The following MGAT5B variants were observed in gnomAD, a reference collection of about 807,000 sequenced individuals.
MGAT5B encodes N-acetylglucosaminyl-transferase Vb.
A neutral mutation model predicts 95.1 loss-of-function variants in MGAT5B; 54 were observed. The observed-to-expected ratio is 0.57, with a 90% confidence interval of 0.46 to 0.71. MGAT5B has a LOEUF of 0.71. MGAT5B is among the 30% of genes least tolerant of loss of function. MGAT5B has a pLI of 0.00. For missense variants in MGAT5B, 935 were observed against 1,088.6 expected (o/e 0.86, Z 1.99); for synonymous variants, 464 against 451.0 (o/e 1.03, Z -0.36).
chr17:76,923,481 G>A (rs991583785), intron 8 of MGAT5B, among the ~76,000 whole-genome samples: 1 of 152,172 alleles, frequency 6.6e-6, no homozygotes, highest in Non-Finnish European at 1.5e-5. Flanking sequence ...GGGAGCAAAG[G>A]ATGGTCACAT....
intron 3 of MGAT5B, among the ~76,000 whole-genome samples, chr17:76,891,029 A>T (rs1305184544): frequency 6.8e-6 from 1 of 146,424 alleles, no homozygotes; most frequent in Non-Finnish European, 1.5e-5. Context: ...CAGTGGCACA[A>T]TCTCGGCTCA....
chr17:76,879,425 C>T lies in MGAT5B; in HGVS notation c.182-2726C>T, dbSNP rs759563560. Among the ~76,000 whole-genome samples, 6 of 152,326 alleles carry T rather than the reference C, an allele frequency of 3.9e-5. No individual in the cohort carries two copies. In the East Asian group the frequency reaches 7.7e-4, roughly 20 times the overall value. ...CTGGCCACGGCACCGCTATGGTGTC[C>T]CAGCTGTGAGACACCTTATGGGATG... On this transcript the variant is annotated intron_variant, in intron 2 of 17. Coordinates refer to ENST00000569840, the MANE Select transcript of MGAT5B (RefSeq NM_001199172.2).
intron 15 of MGAT5B, among the ~76,000 whole-genome samples, chr17:76,943,627 G>GGGT (rs56115697): frequency 0.33 from 47,674 of 144,992 alleles, 8,035 homozygotes; most frequent in East Asian, 0.41. Flanking sequence ...GTGGGGTGGG[G>GGGT]GGGGGGTCTC....
chr17:76,909,965 A>G (rs1377029146), intron 8 of MGAT5B, among the ~76,000 whole-genome samples: 1 of 152,174 alleles, frequency 6.6e-6, no homozygotes, highest in East Asian at 1.9e-4. Flanking sequence ...GAGACTAAAG[A>G]GGCAGCTACA....
intron 15 of MGAT5B, among the ~76,000 whole-genome samples, chr17:76,945,015 A>G (rs1479308077): frequency 2.6e-5 from 4 of 152,166 alleles, no homozygotes; most frequent in Non-Finnish European, 4.4e-5. Context: ...TTGAAGCCTA[A>G]AACAGACCTT....
In MGAT5B at chr17:76,868,976, C is replaced by G; in HGVS notation, c.-54C>G. Reference sequence around the variant, plus strand: ...GCCCGGACGCGGCGAGAGCTGGGCCCAGGACGGTGCGTCCGGCCTCGCCCG... The same window carrying G: ...GCCCGGACGCGGCGAGAGCTGGGCCGAGGACGGTGCGTCCGGCCTCGCCCG... On this transcript the variant is annotated 5_prime_UTR_variant, in exon 1 of 18. Coordinates refer to ENST00000569840, the MANE Select transcript of MGAT5B (RefSeq NM_001199172.2). This position sits in a 1 kb window ranked among gnomAD's most constrained non-coding sequence, Gnocchi z 6.3. The G allele has an allele frequency of 6.4e-7, 1 of 1,565,086 alleles. No individual in the cohort carries two copies. Among genetic ancestry groups the G allele is most frequent in the Non-Finnish European group, 8.8e-7 (1 of 1,136,250 alleles).
At chr17:76,890,602 C>G (rs1443663999) in intron 3 of MGAT5B, among the ~76,000 whole-genome samples, 1 of 152,122 alleles carries the variant, frequency 6.6e-6, no homozygotes, top group East Asian at 1.9e-4. Flanking sequence ...CTCTCAGGCT[C>G]AAACAGTCCT....
intron 12 of MGAT5B, among the ~76,000 whole-genome samples, chr17:76,935,903 CATTA>C (rs1293371492): frequency 7.9e-5 from 9 of 114,624 alleles, no homozygotes; most frequent in South Asian, 2.7e-4. Context: ...ATTATATATA[CATTA>C]TATATATTAT....
intron 8 of MGAT5B, among the ~76,000 whole-genome samples, chr17:76,908,131 G>GT (rs1567807618): frequency 6.6e-6 from 1 of 151,958 alleles, no homozygotes; most frequent in African/African-American, 2.4e-5. Context: ...TTTCTTTATG[G>GT]TTTTTTGGGG....
intron 12 of MGAT5B, among the ~76,000 whole-genome samples, chr17:76,935,091 T>C (rs1201884500): frequency 6.6e-6 from 1 of 152,114 alleles, no homozygotes; most frequent in African/African-American, 2.4e-5. Flanking sequence ...GCTATTTTAG[T>C]AGAGTGTAGT....
chr17:76,919,399 A>C (rs1200268669), intron 8 of MGAT5B, among the ~76,000 whole-genome samples: 2 of 152,198 alleles, frequency 1.3e-5, no homozygotes, highest in Non-Finnish European at 2.9e-5. Context: ...GGGAGCCAGG[A>C]ATGTGAATGG....
At chr17:76,883,034 T>C (rs1200340254) in intron 3 of MGAT5B, among the ~76,000 whole-genome samples, 3 of 151,146 alleles carry the variant, frequency 2.0e-5, no homozygotes, top group East Asian at 1.9e-4. Context: ...TGAGACACTC[T>C]TACTCTGGGC....
At chr17:76,907,557 C>T (rs144988638) in intron 8 of MGAT5B, among the ~76,000 whole-genome samples, 47 of 152,328 alleles carry the variant, frequency 3.1e-4, no homozygotes, top group Non-Finnish European at 5.9e-4. Flanking sequence ...TTCATTTTCA[C>T]TGCTATATAA....
In MGAT5B at chr17:76,917,254, T is replaced by G. The variant is rs1968970462; in HGVS notation, c.1026-7712T>G. Among the ~76,000 whole-genome samples the G allele has an allele frequency of 2.0e-5, 3 of 152,018 alleles. No homozygotes were observed. The South Asian group carries it at 6.2e-4, about 32-fold the overall frequency. ...AGGTCCGAATGTTCCTCGAAGTCAG[T>G]TTCTTTGCTGTGTCTCCGGCCTCTG... is the stretch of plus-strand genomic sequence containing the variant. On this transcript the variant is annotated intron_variant, in intron 8 of 17. Transcript: ENST00000569840. This position sits in a 1 kb window ranked among gnomAD's most constrained non-coding sequence, Gnocchi z 6.1.
chr17:76,921,241 A>C (rs1481799549), intron 8 of MGAT5B, among the ~76,000 whole-genome samples: 1 of 152,090 alleles, frequency 6.6e-6, no homozygotes. Flanking sequence ...ACCACCTTGA[A>C]ATTTCTGCGG....
rs1216522580 is a variant in MGAT5B, at chr17:76,870,772, C to A, written c.68+1675C>A. On this transcript the variant is annotated intron_variant, in intron 1 of 17. Transcript: ENST00000569840. This position sits in a 1 kb window ranked among gnomAD's most constrained non-coding sequence, Gnocchi z 5.0. Reference sequence around the variant, plus strand: ...TGGGGGGCAGGCTGCAATCATAGCACCCCAGCTTATTCATCCTCAAAGGCA... The same window carrying A: ...TGGGGGGCAGGCTGCAATCATAGCAACCCAGCTTATTCATCCTCAAAGGCA... Among the ~76,000 whole-genome samples, 1 of 152,020 alleles carries A rather than the reference C, an allele frequency of 6.6e-6. No homozygotes were observed. Among genetic ancestry groups the A allele is most frequent in the Non-Finnish European group, 1.5e-5 (1 of 67,974 alleles).
intron 8 of MGAT5B, chr17:76,924,129 C>T (rs1385966689): frequency 6.6e-6 from 1 of 152,378 alleles, no homozygotes; most frequent in Non-Finnish European, 1.5e-5. Context: ...AAATTGGCAG[C>T]TGTGGCTGCT....
At position 76,943,623 on chromosome 17, in the gene MGAT5B, T is replaced by TGGG. The variant is rs367686326; in HGVS notation, c.1849-2745_1849-2743dup. 1.2e-4 allele frequency among the ~76,000 whole-genome samples: 9 copies of TGGG among 75,608 alleles called. No homozygotes were observed. The South Asian group carries it at 3.3e-3, about 28-fold the overall frequency. 49.6% of individuals were successfully genotyped at this position (75,608 alleles called of 152,430 possible). Reference sequence around the variant, plus strand: ...TTATTTGAATAGAGATGGGGTGGGGTGGGGGGGGGGTCTCATTTTGTTGCC... The same window carrying TGGG: ...TTATTTGAATAGAGATGGGGTGGGGTGGGGGGGGGGGGGTCTCATTTTGTTGCC... On this transcript the variant is annotated intron_variant, in intron 15 of 17. Coordinates refer to ENST00000569840, the MANE Select transcript of MGAT5B (RefSeq NM_001199172.2).
chr17:76,926,751 G>T, intron 10 of MGAT5B, 21 bp downstream of exon 10: 1 of 1,611,010 alleles, frequency 6.2e-7, no homozygotes, highest in South Asian at 1.1e-5. Flanking sequence ...CACAGGGCAG[G>T]GGTGGGGTCG....
Sources: allele counts gnomAD v4.1 joint callset (sites outside exome capture counted in the v4.1 genomes callset), GRCh38; gene constraint gnomAD v4.1.1; non-coding constraint Gnocchi (gnomAD v3.1); transcripts MANE v1.5; gene names NCBI Gene and HGNC (gene_info 2026-07-23, HGNC 2026-07-21).